The following CDC42BPA variants were observed in gnomAD, a reference collection of about 807,000 sequenced individuals.
CDC42BPA encodes the protein serine/threonine-protein kinase MRCK alpha.
In CDC42BPA, 80 loss-of-function variants were observed where a neutral mutation model predicts 223.5. The observed-to-expected ratio is 0.36, with a 90% CI of 0.30 to 0.43. The LOEUF (loss-of-function observed/expected upper bound fraction) is 0.43. Among genes scored for constraint, CDC42BPA ranks in the 20% least tolerant of loss-of-function variants. The pLI, the probability that CDC42BPA is intolerant of heterozygous loss-of-function variation, is 1.00. For synonymous variants in CDC42BPA, 694 were observed against 718.6 expected (o/e 0.97, Z 0.55); for missense variants, 1,743 against 2,099.9 (o/e 0.83, Z 3.32).
intron 34 of CDC42BPA, among the ~76,000 whole-genome samples, chr1:227,012,061 T>C (rs1393843064): frequency 6.6e-6 from 1 of 152,172 alleles, no homozygotes; most frequent in Non-Finnish European, 1.5e-5. Context: ...TCTAGATATA[T>C]GAATAAAATC....
intron 35 of CDC42BPA, among the ~76,000 whole-genome samples, chr1:227,000,237 G>A (rs1207343087): frequency 2.0e-5 from 3 of 151,958 alleles, no homozygotes; most frequent in African/African-American, 7.3e-5. Flanking sequence ...CCACCACTGG[G>A]TTTCTCCACA....
chr1:227,151,881 CAAAAA>C (rs58336726), intron 6 of CDC42BPA, among the ~76,000 whole-genome samples: 49 of 85,772 alleles, frequency 5.7e-4, no homozygotes, highest in African/African-American at 1.8e-3. Context: ...CCAGTCTCTA[CAAAAA>C]AAAAAAAAAA....
intron 1 of CDC42BPA, among the ~76,000 whole-genome samples, chr1:227,306,280 A>G (rs1323368613): frequency 6.6e-6 from 1 of 152,162 alleles, no homozygotes; most frequent in African/African-American, 2.4e-5. Context: ...TAATAAGATC[A>G]GTAAGATCCA....
intron 5 of CDC42BPA, among the ~76,000 whole-genome samples, chr1:227,193,355 C>T (rs112779011): frequency 0.098 from 14,942 of 151,942 alleles, 870 homozygotes; most frequent in Middle Eastern, 0.17. Flanking sequence ...CAACCGTGAC[C>T]GGCCGAGAAC....
chr1:227,303,295 A>T (rs1162612166), intron 1 of CDC42BPA, among the ~76,000 whole-genome samples: 1 of 152,170 alleles, frequency 6.6e-6, no homozygotes, highest in African/African-American at 2.4e-5. Context: ...GGAGAGTCAG[A>T]TTCTCCAGAC....
chr1:227,079,490 T>C (rs929362404), intron 17 of CDC42BPA, among the ~76,000 whole-genome samples: 2 of 152,108 alleles, frequency 1.3e-5, no homozygotes, highest in African/African-American at 4.8e-5. Flanking sequence ...TCCTTACATA[T>C]ATATTTGATA....
At chr1:227,164,552 G>GCTACTCAGGAGC (rs1664688896) in intron 5 of CDC42BPA, among the ~76,000 whole-genome samples, 1 of 2,412 alleles carries the variant, frequency 4.1e-4, no homozygotes, top group Non-Finnish European at 2.7e-3. Flanking sequence ...TGTGGTCCCA[G>GCTACTCAGGAGC]CTACTCAGGA....
chr1:227,140,514 C>T (rs1659482277), intron 9 of CDC42BPA, among the ~76,000 whole-genome samples: 1 of 151,760 alleles, frequency 6.6e-6, no homozygotes, highest in African/African-American at 2.4e-5. Flanking sequence ...TACTAAAGCC[C>T]CGAGACAAGA....
intron 5 of CDC42BPA, chr1:227,182,877 C>T (rs10916099): frequency 0.9 from 137,335 of 152,246 alleles, 62,389 homozygotes; most frequent in Middle Eastern, 0.96. Context: ...TGCATGAAGC[C>T]TGCTTCCGCT....
intron 5 of CDC42BPA, among the ~76,000 whole-genome samples, chr1:227,180,264 C>A (rs1245293558): frequency 6.6e-6 from 1 of 151,994 alleles, no homozygotes; most frequent in Admixed American, 6.6e-5. Context: ...AGAAGGAATT[C>A]TCAATTTTTT....
At chr1:227,275,889 C>T (rs913867326) in intron 1 of CDC42BPA, among the ~76,000 whole-genome samples, 1 of 152,218 alleles carries the variant, frequency 6.6e-6, no homozygotes, top group Non-Finnish European at 1.5e-5. Context: ...CAGACGGAGT[C>T]TCGCTCACTC....
intron 15 of CDC42BPA, among the ~76,000 whole-genome samples, chr1:227,098,964 T>C (rs1684499761): frequency 6.6e-6 from 1 of 152,052 alleles, no homozygotes; most frequent in African/African-American, 2.4e-5. Context: ...ACTGCGTAAA[T>C]TTTTCAACTT....
At chr1:227,086,524 T>C (rs1375121352) in intron 16 of CDC42BPA, among the ~76,000 whole-genome samples, 1 of 152,224 alleles carries the variant, frequency 6.6e-6, no homozygotes, top group Non-Finnish European at 1.5e-5. Context: ...CTCGAGGGTA[T>C]ACAGCAGTAT....
intron 16 of CDC42BPA, among the ~76,000 whole-genome samples, chr1:227,086,640 C>T (rs1302378042): frequency 6.6e-6 from 1 of 151,504 alleles, no homozygotes; most frequent in African/African-American, 2.4e-5. Flanking sequence ...GGCTTTGTTA[C>T]CCATTAAAAC....
chr1:227,268,400 T>C (rs1460369810), intron 1 of CDC42BPA, among the ~76,000 whole-genome samples: 1 of 151,930 alleles, frequency 6.6e-6, no homozygotes, highest in Non-Finnish European at 1.5e-5. Context: ...ATTTTTACTA[T>C]AATTTATTAG....
At chr1:227,099,047 G>C in intron 15 of CDC42BPA, among the ~76,000 whole-genome samples, 1 of 151,996 alleles carries the variant, frequency 6.6e-6, no homozygotes, top group South Asian at 2.1e-4. Flanking sequence ...ACTGTTTTAA[G>C]TACTAATGTA....
intron 35 of CDC42BPA, among the ~76,000 whole-genome samples, chr1:227,001,488 T>C (rs1379900186): frequency 6.6e-6 from 1 of 152,256 alleles, no homozygotes; most frequent in East Asian, 1.9e-4. Flanking sequence ...GGAGATGGGC[T>C]GTCTTGGCTC....
At chr1:227,288,309 A>C (rs1469708561) in intron 1 of CDC42BPA, among the ~76,000 whole-genome samples, 1 of 152,188 alleles carries the variant, frequency 6.6e-6, no homozygotes, top group Non-Finnish European at 1.5e-5. Flanking sequence ...CAGGAGGTCT[A>C]AGCTGCAGTG....
intron 16 of CDC42BPA, among the ~76,000 whole-genome samples, chr1:227,087,004 CTT>C (rs1682085170): frequency 6.6e-6 from 1 of 152,206 alleles, no homozygotes; most frequent in East Asian, 1.9e-4. Context: ...GAATACAAGT[CTT>C]TTTTCAGATA....
Sources: gnomAD v4.1 joint callset for allele counts (sites outside exome capture counted in the v4.1 genomes callset) on GRCh38, gnomAD v4.1.1 for gene constraint, MANE v1.5 for transcripts, NCBI Gene and HGNC (gene_info 2026-07-23, HGNC 2026-07-21) for gene names.